DVL1: variants seen among roughly 807,000 people sequenced by gnomAD.
DVL1 encodes segment polarity protein dishevelled homolog DVL-1.
Under a neutral mutation model 65.0 loss-of-function variants are expected in DVL1, and 49 were observed. The observed-to-expected ratio is 0.75, with a 90% confidence interval of 0.60 to 0.96. DVL1 has a LOEUF of 0.96. DVL1 is among the 40% of genes least tolerant of loss of function. The pLI is 0.00. For missense variants in DVL1, 1,197 were observed against 1,045.4 expected, an observed-to-expected ratio of 1.15 and a Z score of -2.00; for synonymous variants, 608 against 433.9, an observed-to-expected ratio of 1.40 and a Z score of -4.99.
intron 1 of DVL1, among the ~76,000 whole-genome samples, chr1:1,345,240 C>T (rs1186678747): frequency 6.6e-6 from 1 of 152,202 alleles, no homozygotes; most frequent in African/African-American, 2.4e-5. Flanking sequence ...AGGCCCTACT[C>T]ACTCCGCCCT....
At position 1,338,275 on chromosome 1, in the gene DVL1, A is replaced by T; in HGVS notation, c.1501T>A (p.Cys501Ser). ...EQCYYVFGDL[C>S]SNLATLNLNS... ...GCCCGAAGCCCCCACTCACTGCTGC[A>T]GAGATCCCCGAAGACGTAGTAGCAC... Residue 501 changes from cysteine (C) to serine (S), a missense_variant, in exon 13 of 15, where the codon TGC becomes AGC. Coordinates refer to ENST00000378888, the MANE Select transcript of DVL1 (RefSeq NM_001330311.2). The T allele has an allele frequency of 4.0e-6, 5 of 1,243,458 alleles. No homozygotes were observed. Among genetic ancestry groups the T allele is most frequent in the Non-Finnish European group, 5.5e-6 (5 of 907,654 alleles). 77.0% of individuals were successfully genotyped at this position (1,243,458 alleles called of 1,614,324 possible).
chr1:1,338,772 C>T lies in DVL1; in HGVS notation c.1208-119G>A. The T allele has an allele frequency of 4.2e-6, 6 of 1,440,044 alleles. No individual in the cohort carries two copies. The South Asian group carries it at 5.6e-5, about 14-fold the overall frequency. The allele number at this position is 1,440,044 out of a possible 1,614,324, so 89.2% of individuals were successfully genotyped here. A position where few individuals can be genotyped will look rare whatever the true frequency, so the allele number is the denominator to read the frequency against. On this transcript the variant is annotated intron_variant, in intron 11 of 14. Transcript: ENST00000378888. The stretch of plus-strand genomic sequence containing the variant: ...GCGCCAGGGCGCAAGCTGGACGGTG[C>T]GTGACAGCAGGGCCCCGGCCCACTG...
At chr1:1,340,591 G>T in intron 5 of DVL1, 88 bp from the exon 6 acceptor site, 2 of 1,414,176 alleles carry the variant, frequency 1.4e-6, no homozygotes, top group South Asian at 1.2e-5. Flanking sequence ...TGGGAATCGG[G>T]GGTCTAGGCC....
rs770453846 is a variant in DVL1 at position 1,337,987 on chromosome 1, C to G, written c.1704G>C (p.Gln568His). ...FSYGSGSTGS[Q>H]QSEGSKSSGS... is the part of the protein sequence containing the mutation. Reference sequence around the variant, plus strand: ...GGGCGGCGTTCTCACCTTCACTCTGCTGACTCCCGGTGCTGCCGCTGCCAT... The same window carrying G: ...GGGCGGCGTTCTCACCTTCACTCTGGTGACTCCCGGTGCTGCCGCTGCCAT... The change falls in exon 14 of 15, where the codon CAG becomes CAC. Residue 568 changes from glutamine (Q) to histidine (H), a missense_variant. Transcript: ENST00000378888. 56 of 1,611,346 alleles carry G rather than the reference C, an allele frequency of 3.5e-5. No individual in the cohort carries two copies. The highest frequency in any genetic ancestry group is 4.5e-5 in the Non-Finnish European group (53 of 1,179,596).
chr1:1,345,268 G>GT (rs1245112842), intron 1 of DVL1, among the ~76,000 whole-genome samples: 1 of 152,182 alleles, frequency 6.6e-6, no homozygotes, highest in Non-Finnish European at 1.5e-5. Flanking sequence ...CCAACAGGGT[G>GT]TAACAAGTCC....
intron 14 of DVL1, 32 bp from the exon 15 acceptor site, chr1:1,336,547 T>TG: frequency 6.7e-7 from 1 of 1,484,236 alleles, no homozygotes; most frequent in Non-Finnish European, 8.9e-7. Context: ...GGAAGGAGCC[T>TG]GTCAGCACCA....
In DVL1 at chr1:1,336,399, C is replaced by T. The variant is rs1311647253; in HGVS notation, c.1831G>A (p.Gly611Arg). Residue 611 changes from glycine (G) to arginine (R), a missense_variant, in exon 15 of 15, where the codon GGG becomes AGG. Gly to Arg is a moderately radical substitution (Grantham distance 125). Coordinates refer to ENST00000378888, the MANE Select transcript of DVL1 (RefSeq NM_001330311.2). ...GSESDHTAPSGVGSSWRERPA... is the reference protein window; with the variant it reads ...GSESDHTAPSRVGSSWRERPA... The stretch of plus-strand genomic sequence containing the variant: ...CGCTCTCGCCAGCTGCTCCCCACCC[C>T]ACTCGGTGCCGTGTGATCCGATTCA... 8 of 1,599,214 alleles carry T rather than the reference C, an allele frequency of 5.0e-6. No individual in the cohort carries two copies. The highest frequency in any genetic ancestry group is 1.3e-5 in the African/African-American group (1 of 74,762).
intron 14 of DVL1, among the ~76,000 whole-genome samples, chr1:1,336,807 G>C (rs1403538692): frequency 1.3e-5 from 2 of 152,202 alleles, no homozygotes; most frequent in African/African-American, 2.4e-5. Context: ...GCGGCTGAAA[G>C]ACTGAGGTGC....
In DVL1 at chr1:1,336,020, T is replaced by A; in HGVS notation, c.*122A>T. On this transcript the variant is annotated 3_prime_UTR_variant, in exon 15 of 15. Coordinates refer to ENST00000378888, the MANE Select transcript of DVL1 (RefSeq NM_001330311.2). The stretch of plus-strand genomic sequence containing the variant: ...AGGCTGCCAGGGCAGATGGTGGTGG[T>A]CCAGCCTGCCCCCCACCCTGCCTCC... 7.5e-7 allele frequency: 1 copy of A among 1,335,192 alleles called. No individual in the cohort carries two copies. Among genetic ancestry groups the A allele is most frequent in the South Asian group, 1.4e-5 (1 of 70,682 alleles). 82.7% of individuals were successfully genotyped at this position (1,335,192 alleles called of 1,614,324 possible).
At chr1:1,342,194 C>A (rs377590615) in intron 3 of DVL1, 38 bp from the exon 4 acceptor site, 69 of 1,526,094 alleles carry the variant, frequency 4.5e-5, no homozygotes, top group Non-Finnish European at 5.3e-5. Flanking sequence ...GAGGCCGTGG[C>A]CCCAGCCCCT....
At position 1,342,057 on chromosome 1, in the gene DVL1, C is replaced by T. The variant is rs751311564; in HGVS notation, c.462G>A (p.Glu154=). 1.9e-6 allele frequency: 3 copies of T among 1,576,460 alleles called. No homozygotes were observed. In the South Asian group the frequency reaches 3.5e-5, roughly 18 times the overall value. ...GGGCAGACATGACCACTGTACCCTC[C>T]TCGCGGTTCCGGCGTCGGGCACGCT... The part of the protein sequence containing the change: ...RRERARRRNR[E]EAARTNGHPR... Residue 154 remains glutamate (E), a synonymous_variant, in exon 4 of 15, where the codon GAG becomes GAA. Coordinates refer to ENST00000378888, the MANE Select transcript of DVL1 (RefSeq NM_001330311.2).
chr1:1,342,441 C>A lies in DVL1; in HGVS notation c.284G>T (p.Gly95Val), dbSNP rs1352811500. 3 of 1,604,558 alleles carry A rather than the reference C, an allele frequency of 1.9e-6. No homozygotes were observed. The highest frequency in any genetic ancestry group is 2.7e-5 in the African/African-American group (2 of 74,818). ...EGAHSDAGSQGTDSHTDLPPP... is the reference protein window; with the variant it reads ...EGAHSDAGSQVTDSHTDLPPP... ...GGGCAGGTCTGTGTGGCTGTCCGTG[C>A]CCTGGGACCCCGCATCCGAGTGAGC... The change falls in exon 3 of 15, where the codon GGC becomes GTC. Residue 95 changes from glycine to valine, a missense_variant. By Grantham distance (109) the Gly-to-Val change is moderately radical. Transcript: ENST00000378888.
Position 1,342,092 on chromosome 1 carries a change from G to T in DVL1, c.427C>A (p.His143Asn). 6.3e-7 allele frequency: 1 copy of T among 1,595,108 alleles called. No individual in the cohort carries two copies. Among genetic ancestry groups the T allele is most frequent in the South Asian group, 1.1e-5 (1 of 87,954 alleles). ...CGGCGTCGGGCACGCTCCCGCCGGT[G>T]ACTGACCATGGACTCCGTGCCTGTC... is the stretch of plus-strand genomic sequence containing the variant. ...NETGTESMVS[H>N]RRERARRRNR... Residue 143 changes from histidine (H) to asparagine (N), a missense_variant, in exon 4 of 15, where the codon CAC becomes AAC. Physicochemically the swap from His to Asn is moderately conservative, Grantham distance 68. Coordinates refer to ENST00000378888, the MANE Select transcript of DVL1 (RefSeq NM_001330311.2).
At chr1:1,338,923 G>A (rs938686796) in intron 11 of DVL1, among the ~76,000 whole-genome samples, 19 of 152,252 alleles carry the variant, frequency 1.2e-4, no homozygotes, top group African/African-American at 4.6e-4. Flanking sequence ...CTGCAGACCA[G>A]GAAGTAATGA....
In DVL1 at chr1:1,348,762, C is replaced by T. The variant is rs1233390118; in HGVS notation, c.170+134G>A. ...CGGGCCGAGGCCGCCACCCGCGCCG[C>T]ATCTAGCGGAGGCGCGTCGCGGTCG... On this transcript the variant is annotated intron_variant, in intron 1 of 14. Transcript: ENST00000378888. 16 of 742,288 alleles carry T rather than the reference C, an allele frequency of 2.2e-5. 1 individual carries two copies. The Admixed American group carries it at 7.8e-4, about 36-fold the overall frequency. The allele number at this position is 742,288 out of a possible 1,614,324, so 46.0% of individuals were successfully genotyped here. A position where few individuals can be genotyped will look rare whatever the true frequency, so the allele number is the denominator to read the frequency against.
At position 1,340,652 on chromosome 1, in the gene DVL1, G is replaced by A. The variant is rs930178621; in HGVS notation, c.606-149C>T. 9 of 793,760 alleles carry A rather than the reference G, an allele frequency of 1.1e-5. No homozygotes were observed. The Middle Eastern group carries it at 1.1e-3, about 94-fold the overall frequency. 49.2% of individuals were successfully genotyped at this position (793,760 alleles called of 1,614,324 possible). A position where few individuals can be genotyped will look rare whatever the true frequency, so the allele number is the denominator to read the frequency against. ...GCCTGACGTCCACGCCCCAGGCCCTGCACACGTGATATGCATATGAGCACA... is the reference window on the plus strand; with the variant it reads ...GCCTGACGTCCACGCCCCAGGCCCTACACACGTGATATGCATATGAGCACA... On this transcript the variant is annotated intron_variant, in intron 5 of 14. Coordinates refer to ENST00000378888, the MANE Select transcript of DVL1 (RefSeq NM_001330311.2).
Position 1,341,735 on chromosome 1 carries a change from G to C in DVL1, c.537C>G (p.Ser179=). 1 of 1,610,792 alleles carries C rather than the reference G, an allele frequency of 6.2e-7. No homozygotes were observed. Among genetic ancestry groups the C allele is most frequent in the Non-Finnish European group, 8.5e-7 (1 of 1,178,678 alleles). The change falls in exon 5 of 15, where the codon TCC becomes TCG. Residue 179 remains serine, a synonymous_variant. Coordinates refer to ENST00000378888, the MANE Select transcript of DVL1 (RefSeq NM_001330311.2). ...ACTCAAGCTCGCTGCTGAGGGCGGT[G>C]GACGCGCTGTCTGGGGGCAGCCCCA... is the stretch of plus-strand genomic sequence containing the variant. The part of the protein sequence containing the change: ...RDVGLPPDSA[S]TALSSELESS...
Position 1,341,731 on chromosome 1 carries a change from CGGT to C in DVL1, c.538_540del (p.Thr180del), listed in dbSNP as rs757877020. 8 of 1,610,856 alleles carry C rather than the reference CGGT, an allele frequency of 5.0e-6. No individual in the cohort carries two copies. Among genetic ancestry groups the C allele is most frequent in the Non-Finnish European group, 6.8e-6 (8 of 1,178,724 alleles). On this transcript the variant is annotated inframe_deletion, in exon 5 of 15. Transcript: ENST00000378888. Reference sequence around the variant, plus strand: ...CTGGACTCAAGCTCGCTGCTGAGGGCGGTGGACGCGCTGTCTGGGGGCAGCCCC... The same window carrying C: ...CTGGACTCAAGCTCGCTGCTGAGGGCGGACGCGCTGTCTGGGGGCAGCCCC...
At position 1,338,001 on chromosome 1, in the gene DVL1, T is replaced by C. The variant is rs1181664821; in HGVS notation, c.1690A>G (p.Ser564Gly). The change falls in exon 14 of 15, where the codon AGC (serine) becomes GGC (glycine). Residue 564 changes from serine to glycine, a missense_variant. By Grantham distance (56) the Ser-to-Gly change is moderately conservative. Coordinates refer to ENST00000378888, the MANE Select transcript of DVL1 (RefSeq NM_001330311.2). ...CCTTCACTCTGCTGACTCCCGGTGC[T>C]GCCGCTGCCATAGCTAAAGCCCGGG... is the stretch of plus-strand genomic sequence containing the variant. Reference protein sequence around the residue: ...QDPGFSYGSGSTGSQQSEGSK... With the variant: ...QDPGFSYGSGGTGSQQSEGSK... 1 of 1,611,628 alleles carries C rather than the reference T, an allele frequency of 6.2e-7. No individual in the cohort carries two copies. Among genetic ancestry groups the C allele is most frequent in the South Asian group, 1.1e-5 (1 of 91,020 alleles).
Sources: gnomAD v4.1 joint callset for allele counts (sites outside exome capture counted in the v4.1 genomes callset) on GRCh38, gnomAD v4.1.1 for gene constraint, MANE v1.5 for transcripts, NCBI Gene and HGNC (gene_info 2026-07-23, HGNC 2026-07-21) for gene names.